Variants in INSR observed in about 807,000 individuals in gnomAD.
INSR encodes insulin receptor.
A neutral mutation model predicts 142.6 loss-of-function variants in INSR; 67 were observed. The ratio of observed to expected loss-of-function variants is 0.47; its 90% CI spans 0.39 to 0.58. The LOEUF (loss-of-function observed/expected upper bound fraction) is 0.58, where lower values mean the gene tolerates loss of function less well. Among genes scored for constraint, INSR ranks in the 20% least tolerant of loss-of-function variants. INSR has a pLI of 0.00. For synonymous variants in INSR, 756 were observed against 743.1 expected (o/e 1.02, Z -0.28); for missense variants, 1,248 against 1,833.2 (o/e 0.68, Z 5.83).
chr19:7,232,827 G>C (rs903148077), intron 2 of INSR, among the ~76,000 whole-genome samples: 3 of 152,046 alleles, frequency 2.0e-5, no homozygotes, highest in African/African-American at 7.2e-5. Context: ...AAAAATTTCA[G>C]TTGCTAAACT....
intron 2 of INSR, among the ~76,000 whole-genome samples, chr19:7,229,336 G>A (rs530254092): frequency 2.2e-4 from 20 of 92,704 alleles, no homozygotes; most frequent in Non-Finnish European, 5.1e-4. Flanking sequence ...ATGGATAGAT[G>A]GATGGATGGA....
At chr19:7,188,807 T>G (rs755434042) in intron 2 of INSR, among the ~76,000 whole-genome samples, 20 of 145,266 alleles carry the variant, frequency 1.4e-4, no homozygotes, top group Non-Finnish European at 2.7e-4. Context: ...GCAAGAGGAG[T>G]TTGCAGTGAG....
At chr19:7,196,178 G>A (rs534741243) in intron 2 of INSR, among the ~76,000 whole-genome samples, 3 of 151,258 alleles carry the variant, frequency 2.0e-5, no homozygotes, top group South Asian at 4.2e-4. Context: ...CAGGTGATCC[G>A]CCCGCCTCAG....
chr19:7,221,992 A>G lies in INSR; in HGVS notation c.653-37355T>C, dbSNP rs531560062. ...GAGCACCAACTGTTTACAGCTATCA[A>G]GCATGTACTATCCACCAGGCACATG... is the stretch of plus-strand genomic sequence containing the variant. On this transcript the variant is annotated intron_variant, in intron 2 of 21. Coordinates refer to ENST00000302850, the MANE Select transcript of INSR (RefSeq NM_000208.4). Among the ~76,000 whole-genome samples, 370 of 150,578 alleles carry G rather than the reference A, an allele frequency of 2.5e-3. 3 individuals carry two copies. Among genetic ancestry groups the G allele is most frequent in the Non-Finnish European group, 4.4e-3 (298 of 67,786 alleles).
Position 7,294,050 on chromosome 19 carries a change from A to G in INSR, c.-159T>C. The G allele has an allele frequency of 1.3e-6, 1 of 763,758 alleles. No individual in the cohort carries two copies. The highest frequency in any genetic ancestry group is 1.9e-5 in the African/African-American group (1 of 53,442). The allele number at this position is 763,758 out of a possible 1,614,324, so 47.3% of individuals were successfully genotyped here. ...GCAGCCCCCCTGCCGGGGAGGGCCC[A>G]GAGGCAGCCCCGGGAAGGGCGCGCG... On this transcript the variant is annotated 5_prime_UTR_variant, in exon 1 of 22. Transcript: ENST00000302850.
chr19:7,222,811 A>T (rs748291775), intron 2 of INSR, among the ~76,000 whole-genome samples: 1 of 152,148 alleles, frequency 6.6e-6, no homozygotes, highest in Non-Finnish European at 1.5e-5. Context: ...AGCTATAGGT[A>T]TAAGGAAGTT....
At chr19:7,200,883 G>GAAAA (rs1974936276) in intron 2 of INSR, among the ~76,000 whole-genome samples, 1 of 136,864 alleles carries the variant, frequency 7.3e-6, no homozygotes, top group African/African-American at 3.0e-5. Flanking sequence ...AAAAAAAAAG[G>GAAAA]CTGAAGAGCC....
chr19:7,138,469 A>G (rs957694283), intron 13 of INSR, among the ~76,000 whole-genome samples: 3 of 151,352 alleles, frequency 2.0e-5, no homozygotes, highest in Non-Finnish European at 4.4e-5. Flanking sequence ...GGAGCTCCTG[A>G]GCTCAAGCAA....
chr19:7,117,390 C>T lies in INSR; in HGVS notation c.3815G>A (p.Cys1272Tyr). Residue 1272 changes from cysteine (C) to tyrosine (Y), a missense_variant, in exon 22 of 22, where the codon TGC becomes TAC. Physicochemically the swap from Cys to Tyr is radical, Grantham distance 194 (BLOSUM62 -2). Around this residue, in one of 3 missense-constraint regions of INSR, gnomAD observed 1,069 missense variants for 1,654.0 expected, o/e 0.65. Transcript: ENST00000302850. ...CCTCATCTTGGGGTTGAATTGCCAGCACATGCGCATGAGGTCAGTGCTGCG... is the reference window on the plus strand; with the variant it reads ...CCTCATCTTGGGGTTGAATTGCCAGTACATGCGCATGAGGTCAGTGCTGCG... ...PERVTDLMRM[C>Y]WQFNPKMRPT... The T allele has an allele frequency of 6.2e-7, 1 of 1,613,960 alleles. No individual in the cohort carries two copies. Among genetic ancestry groups the T allele is most frequent in the Non-Finnish European group, 8.5e-7 (1 of 1,179,908 alleles).
At position 7,142,983 on chromosome 19, in the gene INSR, G is replaced by A. The variant is rs769165470; in HGVS notation, c.2375C>T (p.Pro792Leu). ...CTTCTCAAAAGGCCTGTGCTCCTCC[G>A]GACTCGTGGGCACGCTGGTCGAGGA... ...NTSSTSVPTS[P>L]EEHRPFEKVV... The change falls in exon 12 of 22, where the codon CCG becomes CTG. Residue 792 changes from proline (P) to leucine (L), a missense_variant. By Grantham distance (98) the Pro-to-Leu change is moderately conservative (BLOSUM62 -3). Around this residue, in one of 3 missense-constraint regions of INSR, gnomAD observed 1,069 missense variants for 1,654.0 expected, o/e 0.65. Coordinates refer to ENST00000302850, the MANE Select transcript of INSR (RefSeq NM_000208.4). The A allele has an allele frequency of 1.3e-4, 207 of 1,614,062 alleles. No homozygotes were observed. The highest frequency in any genetic ancestry group is 2.3e-4 in the Admixed American group (14 of 59,994).
rs975039413 is a variant in INSR, at chr19:7,159,067, T to C, written c.2029+3965A>G. On this transcript the variant is annotated intron_variant, in intron 9 of 21. Transcript: ENST00000302850. This position sits in a 1 kb window ranked among gnomAD's most constrained non-coding sequence, Gnocchi z 4.3. ...ACAGGCACCCACCACCACACCCAAC[T>C]AATTTTTGTATTTTTAGTAGAGACG... 2.0e-5 allele frequency among the ~76,000 whole-genome samples: 3 copies of C among 151,958 alleles called. No individual in the cohort carries two copies. Among genetic ancestry groups the C allele is most frequent in the Non-Finnish European group, 4.4e-5 (3 of 67,992 alleles).
At chr19:7,277,861 G>A (rs1011009728) in intron 1 of INSR, among the ~76,000 whole-genome samples, 4 of 151,620 alleles carry the variant, frequency 2.6e-5, no homozygotes, top group Non-Finnish European at 4.4e-5. Context: ...GGAGGCCCAG[G>A]CGGGCAGATC....
At chr19:7,170,501 C>G in intron 6 of INSR, 36 bp downstream of exon 6, 1 of 1,523,672 alleles carries the variant, frequency 6.6e-7, no homozygotes, top group Non-Finnish European at 9.1e-7. Flanking sequence ...CTACACCGGT[C>G]CCTCATGCCA....
At chr19:7,137,542 C>G (rs552422590) in intron 13 of INSR, among the ~76,000 whole-genome samples, 41 of 152,208 alleles carry the variant, frequency 2.7e-4, no homozygotes, top group African/African-American at 7.0e-4. Flanking sequence ...AATCCCAGCA[C>G]TTTGGGATGC....
intron 1 of INSR, among the ~76,000 whole-genome samples, chr19:7,275,372 T>C (rs772884510): frequency 6.6e-6 from 1 of 152,172 alleles, no homozygotes; most frequent in Non-Finnish European, 1.5e-5. Context: ...CATAACCAAG[T>C]TGTTCCAAAT....
chr19:7,142,010 C>CTTT (rs796795268), intron 12 of INSR, among the ~76,000 whole-genome samples, 194 bp from the exon 13 acceptor site: 1 of 145,946 alleles, frequency 6.9e-6, no homozygotes, highest in Admixed American at 6.9e-5. Context: ...CTGCGTATAA[C>CTTT]TTTTTTTTTT....
At position 7,125,256 on chromosome 19, in the gene INSR, C is replaced by T. The variant is rs1444638774; in HGVS notation, c.3258+27G>A. 1.9e-6 allele frequency: 3 copies of T among 1,613,578 alleles called. No individual in the cohort carries two copies. The highest frequency in any genetic ancestry group is 1.7e-6 in the Non-Finnish European group (2 of 1,179,992). On this transcript the variant is annotated intron_variant, in intron 17 of 21. Coordinates refer to ENST00000302850, the MANE Select transcript of INSR (RefSeq NM_000208.4). This position sits in a 1 kb window ranked among gnomAD's most constrained non-coding sequence, Gnocchi z 4.9. ...GAAAGGGAAGGGTCAGGAAAGCCAG[C>T]CCATGTCCCACCCCCACTGGACTCA...
At chr19:7,181,645 C>T (rs1974277932) in intron 3 of INSR, among the ~76,000 whole-genome samples, 1 of 151,364 alleles carries the variant, frequency 6.6e-6, no homozygotes, top group African/African-American at 2.4e-5. Context: ...TCTCAGCTCA[C>T]TGCAACCTCT....
chr19:7,193,205 G>A (rs1052324915), intron 2 of INSR, among the ~76,000 whole-genome samples: 19 of 149,074 alleles, frequency 1.3e-4, no homozygotes, highest in Non-Finnish European at 1.9e-4. Context: ...TGCAACCTCC[G>A]CCTCCCGGGT....
Sources: gnomAD v4.1 joint callset for allele counts (sites outside exome capture counted in the v4.1 genomes callset) on GRCh38, gnomAD v4.1.1 for gene constraint, gnomAD v4.1.1 regional missense constraint, Gnocchi (gnomAD v3.1) non-coding constraint, MANE v1.5 for transcripts, NCBI Gene and HGNC (gene_info 2026-07-23, HGNC 2026-07-21) for gene names.